The following TMEM38B variants were observed in gnomAD, a reference collection of about 807,000 sequenced individuals.
TMEM38B encodes trimeric intracellular cation channel type B.
In TMEM38B, 24 loss-of-function variants were observed where a neutral mutation model predicts 28.7. The ratio of observed to expected loss-of-function variants is 0.84; its 90% CI spans 0.61 to 1.18. The LOEUF (loss-of-function observed/expected upper bound fraction) is 1.18. TMEM38B is among the 50% of genes most tolerant of loss of function. The pLI, the probability that TMEM38B is intolerant of heterozygous loss-of-function variation, is 0.00. For missense variants in TMEM38B, 380 were observed against 350.9 expected, an observed-to-expected ratio of 1.08 and a Z score of -0.66; for synonymous variants, 131 against 127.7, an observed-to-expected ratio of 1.03 and a Z score of -0.17.
chr9:105,744,864 T>A (rs1052944044), intron 4 of TMEM38B, among the ~76,000 whole-genome samples: 1 of 152,196 alleles, frequency 6.6e-6, no homozygotes, highest in African/African-American at 2.4e-5. Context: ...TGCGATAGTT[T>A]GCTGAGAATG....
chr9:105,757,422 C>T (rs1048818483), intron 5 of TMEM38B, among the ~76,000 whole-genome samples: 1 of 152,018 alleles, frequency 6.6e-6, no homozygotes, highest in East Asian at 1.9e-4. Flanking sequence ...TGTGGAGATA[C>T]CCAGTTGTGG....
At chr9:105,741,038 G>A (rs1837185095) in intron 4 of TMEM38B, among the ~76,000 whole-genome samples, 1 of 152,122 alleles carries the variant, frequency 6.6e-6, no homozygotes, top group African/African-American at 2.4e-5. Flanking sequence ...CTGGATTTCT[G>A]GTGGGACGGA....
chr9:105,718,816 ATTAC>A (rs1489656228), intron 2 of TMEM38B, among the ~76,000 whole-genome samples: 2 of 152,126 alleles, frequency 1.3e-5, no homozygotes, highest in Non-Finnish European at 2.9e-5. Context: ...CCAAGTATCA[ATTAC>A]TTATATATGG....
rs1835629418 is a variant in TMEM38B at position 105,705,653 on chromosome 9, C to T, written c.169C>T (p.His57Tyr). 1 of 1,613,916 alleles carries T rather than the reference C, an allele frequency of 6.2e-7. No homozygotes were observed. The highest frequency in any genetic ancestry group is 1.1e-5 in the South Asian group (1 of 91,084). The stretch of plus-strand genomic sequence containing the variant: ...TTCAAGCTGGTTTACTGCTATGCTC[C>T]ACTGTTTTGGTGGAGGAATTTTATC... ...PISSWFTAML[H>Y]CFGGGILSCL... Residue 57 changes from histidine (H) to tyrosine (Y), a missense_variant, in exon 2 of 6, where the codon CAC (histidine) becomes TAC (tyrosine). Coordinates refer to ENST00000374692, the MANE Select transcript of TMEM38B (RefSeq NM_018112.3).
intron 5 of TMEM38B, 68 bp downstream of exon 5, chr9:105,748,258 C>T (rs1837506933): frequency 8.7e-7 from 1 of 1,149,964 alleles, no homozygotes; most frequent in Non-Finnish European, 1.3e-6. Context: ...TACAATTTTG[C>T]ATGCTGGGCA....
At chr9:105,760,593 G>GA in intron 5 of TMEM38B, 2 of 755,712 alleles carry the variant, frequency 2.6e-6, no homozygotes, top group Non-Finnish European at 4.8e-6. Flanking sequence ...CTCTAAAGGA[G>GA]AAAAGAAAAA....
At chr9:105,695,155 GCCACTCGCTCGCAGTGTC>G (rs1835245200) in intron 1 of TMEM38B, among the ~76,000 whole-genome samples, 10 of 149,648 alleles carry the variant, frequency 6.7e-5, no homozygotes, top group African/African-American at 2.3e-4. Context: ...TCGCGGTACC[GCCACTCGCTCGCAGTGTC>G]GCCACTCGCT....
chr9:105,770,735 A>G (rs1234401309), intron 5 of TMEM38B, among the ~76,000 whole-genome samples: 1 of 152,144 alleles, frequency 6.6e-6, no homozygotes, highest in Non-Finnish European at 1.5e-5. Context: ...GAAGATACTG[A>G]TAAGGGCCTA....
At chr9:105,734,066 GTAGT>G (rs1353220298) in intron 4 of TMEM38B, among the ~76,000 whole-genome samples, 1 of 151,364 alleles carries the variant, frequency 6.6e-6, no homozygotes, top group Non-Finnish European at 1.5e-5. Context: ...TTTTTTTAAT[GTAGT>G]TATTTATTGC....
At chr9:105,695,074 G>C (rs73668919) in intron 1 of TMEM38B, among the ~76,000 whole-genome samples, 1 of 151,556 alleles carries the variant, frequency 6.6e-6, no homozygotes, top group Non-Finnish European at 1.5e-5. Flanking sequence ...GAAGTCCCAG[G>C]ACTGACAGAA....
intron 5 of TMEM38B, among the ~76,000 whole-genome samples, chr9:105,773,470 CAAT>C (rs1826624930): frequency 1.3e-5 from 2 of 152,060 alleles, no homozygotes; most frequent in African/African-American, 2.4e-5. Flanking sequence ...TTCCACATCT[CAAT>C]GATGAGGGTA....
At chr9:105,753,037 C>A (rs552124398) in intron 5 of TMEM38B, among the ~76,000 whole-genome samples, 2,681 of 152,236 alleles carry the variant, frequency 0.018, 31 homozygotes, top group Non-Finnish European at 0.026. Flanking sequence ...CGAGTATCAA[C>A]AGCAGAATAC....
rs925176922 is a variant in TMEM38B at position 105,759,629 on chromosome 9, G to A, written c.660+11439G>A. The stretch of plus-strand genomic sequence containing the variant: ...GGGAATTCAAGTAAAGAGGCATCCA[G>A]TGTAAAGAGGCATCAATCTTTTCCA... On this transcript the variant is annotated intron_variant, in intron 5 of 5. Transcript: ENST00000374692. The A allele has an allele frequency of 1.1e-5, 18 of 1,581,892 alleles. No homozygotes were observed. In the African/African-American group the frequency reaches 1.9e-4, roughly 17 times the overall value.
chr9:105,746,159 A>C (rs1208014775), intron 4 of TMEM38B, among the ~76,000 whole-genome samples: 1 of 152,136 alleles, frequency 6.6e-6, no homozygotes, highest in Non-Finnish European at 1.5e-5. Flanking sequence ...TGAATCTATA[A>C]ATTAACTTGG....
intron 4 of TMEM38B, among the ~76,000 whole-genome samples, chr9:105,732,822 A>G (rs1836808412): frequency 6.6e-6 from 1 of 152,096 alleles, no homozygotes; most frequent in Admixed American, 6.6e-5. Flanking sequence ...GAACTTTAAA[A>G]CAGTTTTTTT....
At chr9:105,717,930 A>C (rs10759131) in intron 2 of TMEM38B, among the ~76,000 whole-genome samples, 65,016 of 151,992 alleles carry the variant, frequency 0.43, 16,028 homozygotes, top group African/African-American at 0.68. Flanking sequence ...AAGAACCCTG[A>C]GACGTAGGTA....
intron 1 of TMEM38B, among the ~76,000 whole-genome samples, chr9:105,705,373 A>C (rs1468243120): frequency 2.0e-5 from 3 of 152,240 alleles, no homozygotes; most frequent in Non-Finnish European, 4.4e-5. Flanking sequence ...AGAGTATTTT[A>C]AAGGTGCCAA....
rs138158354 is a variant in TMEM38B, at chr9:105,771,972, A to G, written c.661-1893A>G. ...TTCAACATCTTCTGGAAGACAGTTA[A>G]TGCACAAGCAGAATATTTTAATCAT... On this transcript the variant is annotated intron_variant, in intron 5 of 5. Coordinates refer to ENST00000374692, the MANE Select transcript of TMEM38B (RefSeq NM_018112.3). Among the ~76,000 whole-genome samples, 236 of 152,334 alleles carry G rather than the reference A, an allele frequency of 1.5e-3. 2 individuals are homozygous for G. Among genetic ancestry groups the G allele is most frequent in the African/African-American group, 5.4e-3 (225 of 41,582 alleles).
Position 105,730,886 on chromosome 9 carries a change from G to T in TMEM38B, c.542+8265G>T, listed in dbSNP as rs558430424. On this transcript the variant is annotated intron_variant, in intron 4 of 5. Transcript: ENST00000374692. ...TTATAGTATTCTCTGATGGTAATTTGTATTTCTGTGGGATCGGTGTTGGTA... is the reference window on the plus strand; with the variant it reads ...TTATAGTATTCTCTGATGGTAATTTTTATTTCTGTGGGATCGGTGTTGGTA... Among the ~76,000 whole-genome samples the T allele has an allele frequency of 4.6e-5, 7 of 152,228 alleles. No homozygotes were observed. The South Asian group carries it at 1.4e-3, about 32-fold the overall frequency.
Sources: allele counts gnomAD v4.1 joint callset (sites outside exome capture counted in the v4.1 genomes callset), GRCh38; gene constraint gnomAD v4.1.1; transcripts MANE v1.5; gene names NCBI Gene and HGNC (gene_info 2026-07-23, HGNC 2026-07-21).